Variants in GRM7 observed in about 807,000 individuals in gnomAD.
GRM7 encodes the protein glutamate metabotropic receptor 7.
A neutral mutation model predicts 84.5 loss-of-function variants in GRM7; 35 were observed. That is an observed-to-expected ratio of 0.41 (90% CI 0.32 to 0.55). GRM7 has a LOEUF of 0.55. GRM7 is among the 20% of genes least tolerant of loss of function. The pLI, the probability that GRM7 is intolerant of heterozygous loss-of-function variation, is 0.19. For missense variants in GRM7, 1,003 were observed against 1,194.6 expected (o/e 0.84, Z 2.36); for synonymous variants, 487 against 455.1 (o/e 1.07, Z -0.89).
chr3:7,411,972 C>A (rs1203407678), intron 4 of GRM7, among the ~76,000 whole-genome samples: 1 of 151,626 alleles, frequency 6.6e-6, no homozygotes, highest in East Asian at 1.9e-4. Context: ...TCTTCTCTCC[C>A]CTCCCCTCCC....
chr3:7,091,822 T>C (rs1050708638), intron 1 of GRM7, among the ~76,000 whole-genome samples: 2 of 151,052 alleles, frequency 1.3e-5, no homozygotes, highest in African/African-American at 4.9e-5. Context: ...AGTAGCTACC[T>C]TATGCTACAT....
chr3:7,065,306 A>G (rs1697616262), intron 1 of GRM7, among the ~76,000 whole-genome samples: 1 of 151,774 alleles, frequency 6.6e-6, no homozygotes, highest in Non-Finnish European at 1.5e-5. Flanking sequence ...TATCTTCCAG[A>G]ATTTTTATAG....
chr3:7,600,187 G>A (rs3804878), intron 8 of GRM7, among the ~76,000 whole-genome samples: 47,014 of 151,748 alleles, frequency 0.31, 7,495 homozygotes, highest in Middle Eastern at 0.39. Flanking sequence ...GTTTGTTTTC[G>A]GTGGTTACTT....
chr3:7,595,696 G>T (rs143820476), intron 8 of GRM7, among the ~76,000 whole-genome samples: 75 of 152,162 alleles, frequency 4.9e-4, no homozygotes, highest in African/African-American at 1.7e-3. Flanking sequence ...GAATATAACT[G>T]GGGGTGGGGG....
chr3:7,134,437 C>G (rs1417764073), intron 1 of GRM7, among the ~76,000 whole-genome samples: 1 of 151,984 alleles, frequency 6.6e-6, no homozygotes, highest in Non-Finnish European at 1.5e-5. Context: ...TCGTCATCAT[C>G]ATCATCATCA....
chr3:7,253,012 T>TAA (rs539835390), intron 2 of GRM7, among the ~76,000 whole-genome samples: 3,649 of 70,780 alleles, frequency 0.052, 146 homozygotes, highest in Middle Eastern at 0.076. Flanking sequence ...TGGCTTTTCT[T>TAA]AAAAAAAAAA....
At chr3:6,892,454 T>G (rs1020157805) in intron 1 of GRM7, among the ~76,000 whole-genome samples, 2 of 152,160 alleles carry the variant, frequency 1.3e-5, no homozygotes, top group African/African-American at 4.8e-5. Context: ...CAATAACCTT[T>G]CAAAAATCAT....
At chr3:7,097,372 A>G (rs1486031878) in intron 1 of GRM7, among the ~76,000 whole-genome samples, 2 of 152,178 alleles carry the variant, frequency 1.3e-5, no homozygotes, top group East Asian at 1.9e-4. Flanking sequence ...AGTTTCTTGT[A>G]ACAATTAACT....
chr3:7,204,710 C>T (rs369650014), intron 2 of GRM7, among the ~76,000 whole-genome samples: 1 of 152,340 alleles, frequency 6.6e-6, no homozygotes, highest in East Asian at 1.9e-4. Context: ...CTGACTTCCC[C>T]ATTGGGACTG....
chr3:7,339,757 C>T (rs77446136), intron 4 of GRM7, among the ~76,000 whole-genome samples: 7,774 of 152,192 alleles, frequency 0.051, 224 homozygotes, highest in Middle Eastern at 0.075. Context: ...TGAATGCTCT[C>T]TGGGTGTTTG....
intron 8 of GRM7, among the ~76,000 whole-genome samples, chr3:7,636,984 T>C (rs1698126901): frequency 6.6e-6 from 1 of 152,212 alleles, no homozygotes; most frequent in Admixed American, 6.5e-5. Flanking sequence ...ATTATGGAAA[T>C]AGCCTTTAAC....
intron 3 of GRM7, among the ~76,000 whole-genome samples, chr3:7,303,065 T>C (rs910806236): frequency 5.3e-5 from 8 of 151,432 alleles, no homozygotes; most frequent in South Asian, 2.1e-4. Context: ...CTCAGCCTCC[T>C]GAGTAGCTGG....
intron 1 of GRM7, among the ~76,000 whole-genome samples, chr3:6,870,347 G>C (rs1412419294): frequency 6.6e-6 from 1 of 152,152 alleles, no homozygotes; most frequent in Admixed American, 6.6e-5. Flanking sequence ...CTCCCTGGGA[G>C]TAGGAATGAC....
intron 8 of GRM7, among the ~76,000 whole-genome samples, chr3:7,628,733 T>G (rs1447379809): frequency 1.3e-5 from 2 of 152,156 alleles, no homozygotes; most frequent in Non-Finnish European, 2.9e-5. Flanking sequence ...GGGCACTGTT[T>G]GCAGTGGAAG....
chr3:6,967,926 A>G (rs1433880270), intron 1 of GRM7, among the ~76,000 whole-genome samples: 2 of 152,164 alleles, frequency 1.3e-5, no homozygotes, highest in African/African-American at 4.8e-5. Context: ...GGGCATTGGT[A>G]TTTGTTAAAA....
rs3792441 is a variant in GRM7 at position 7,645,364 on chromosome 3, T to C, written c.2452-34685T>C. Among the ~76,000 whole-genome samples the C allele has an allele frequency of 7.6e-3, 1,150 of 151,666 alleles. 12 individuals are homozygous for C. The highest frequency in any genetic ancestry group is 0.036 in the East Asian group (185 of 5,084). On this transcript the variant is annotated intron_variant, in intron 8 of 9. Transcript: ENST00000357716. The stretch of plus-strand genomic sequence containing the variant: ...GAGATTGAGACCATCCTGGCCAACA[T>C]GGTGAAACCCCGTCACTACTAAAAA...
chr3:7,529,401 G>T (rs766066490), intron 7 of GRM7, among the ~76,000 whole-genome samples: 1 of 152,036 alleles, frequency 6.6e-6, no homozygotes, highest in African/African-American at 2.4e-5. Context: ...CTGTCTATTC[G>T]CACATCCATT....
In GRM7 at chr3:7,644,181, T is replaced by C. The variant is rs1334376492; in HGVS notation, c.2452-35868T>C. 1.2e-3 allele frequency among the ~76,000 whole-genome samples: 145 copies of C among 116,512 alleles called. 1 individual carries two copies. The highest frequency in any genetic ancestry group is 1.8e-3 in the Non-Finnish European group (105 of 57,216). 76.4% of individuals were successfully genotyped at this position (116,512 alleles called of 152,430 possible). On this transcript the variant is annotated intron_variant, in intron 8 of 9. Coordinates refer to ENST00000357716, the MANE Select transcript of GRM7 (RefSeq NM_000844.4). ...ATATATATATATGTCTGTACATATA[T>C]ATATGTCTGTACGTATATATATATG...
chr3:7,704,413 G>C (rs1444905485), intron 9 of GRM7, among the ~76,000 whole-genome samples: 2 of 152,082 alleles, frequency 1.3e-5, no homozygotes, highest in Non-Finnish European at 2.9e-5. Flanking sequence ...AAAACACTGA[G>C]TGAATGATAA....
Sources: gnomAD v4.1 joint callset for allele counts (sites outside exome capture counted in the v4.1 genomes callset) on GRCh38, gnomAD v4.1.1 for gene constraint, MANE v1.5 for transcripts, NCBI Gene and HGNC (gene_info 2026-07-23, HGNC 2026-07-21) for gene names.